CSMD1: variants seen among roughly 807,000 people sequenced by gnomAD.
CSMD1 encodes the protein CUB and sushi domain-containing protein 1.
A neutral mutation model predicts 417.5 loss-of-function variants in CSMD1; 213 were observed. That is an observed-to-expected ratio of 0.51 (90% CI 0.46 to 0.57). The LOEUF (loss-of-function observed/expected upper bound fraction) is 0.57, where lower values mean the gene tolerates loss of function less well. Among genes scored for constraint, CSMD1 ranks in the 20% least tolerant of loss-of-function variants. CSMD1 has a pLI of 0.00. For synonymous variants in CSMD1, 2,862 were observed against 1,736.8 expected, an observed-to-expected ratio of 1.65 and a Z score of -16.11; for missense variants, 6,923 against 4,529.7, an observed-to-expected ratio of 1.53 and a Z score of -15.17.
chr8:4,544,658 C>G lies in CSMD1; in HGVS notation c.302+92684G>C, dbSNP rs146487334. Among the ~76,000 whole-genome samples the G allele has an allele frequency of 6.6e-5, 10 of 152,252 alleles. No homozygotes were observed. The East Asian group carries it at 1.4e-3, about 21-fold the overall frequency. On this transcript the variant is annotated intron_variant, in intron 2 of 69. Coordinates refer to ENST00000635120, the MANE Select transcript of CSMD1 (RefSeq NM_033225.6). ...AACTATAGTTGGTAAGATGCATTAACGTATTCCATGTCCAGCTTTAAGCCA... is the reference window on the plus strand; with the variant it reads ...AACTATAGTTGGTAAGATGCATTAAGGTATTCCATGTCCAGCTTTAAGCCA...
intron 7 of CSMD1, among the ~76,000 whole-genome samples, chr8:3,671,004 G>T (rs1170614516): frequency 2.8e-5 from 3 of 108,442 alleles, no homozygotes; most frequent in Non-Finnish European, 3.9e-5. Flanking sequence ...ATATATGTAT[G>T]GGATATATAT....
intron 1 of CSMD1, among the ~76,000 whole-genome samples, chr8:4,884,523 T>G (rs903523273): frequency 1.3e-5 from 2 of 152,202 alleles, no homozygotes; most frequent in African/African-American, 4.8e-5. Flanking sequence ...CTCTTTCATT[T>G]AGGTCCTTTT....
rs536277372 is a variant in CSMD1, at chr8:4,285,667, G to T, written c.415+134286C>A. Among the ~76,000 whole-genome samples, 2 of 152,292 alleles carry T rather than the reference G, an allele frequency of 1.3e-5. 1 individual carries two copies. The highest frequency in any genetic ancestry group is 4.8e-5 in the African/African-American group (2 of 41,558). The stretch of plus-strand genomic sequence containing the variant: ...GGTTGGTCTTTGCTTTTCTTGAATG[G>T]CAGTGGTGTAGGAAGAATGGAGCTT... On this transcript the variant is annotated intron_variant, in intron 3 of 69. Coordinates refer to ENST00000635120, the MANE Select transcript of CSMD1 (RefSeq NM_033225.6).
At chr8:3,182,712 G>A (rs1585580834) in intron 36 of CSMD1, among the ~76,000 whole-genome samples, 1 of 59,442 alleles carries the variant, frequency 1.7e-5, no homozygotes. Flanking sequence ...TGTATTGTTA[G>A]TAGAGAAGGA....
At position 3,425,468 on chromosome 8, in the gene CSMD1, A is replaced by G. The variant is rs569876362; in HGVS notation, c.1562-15863T>C. On this transcript the variant is annotated intron_variant, in intron 12 of 69. Transcript: ENST00000635120. ...CTGGGCGTGGTGGCACCTGCCTGTA[A>G]TCTCAGCTACTTGGGAGGCTGAGGC... 1.8e-3 allele frequency among the ~76,000 whole-genome samples: 278 copies of G among 151,898 alleles called. 1 individual carries two copies. The highest frequency in any genetic ancestry group is 0.01 in the Middle Eastern group (3 of 290).
chr8:3,914,861 T>C (rs1808709405), intron 5 of CSMD1, among the ~76,000 whole-genome samples: 1 of 152,184 alleles, frequency 6.6e-6, no homozygotes, highest in African/African-American at 2.4e-5. Flanking sequence ...AAGGCACACA[T>C]CATACAGTTT....
intron 12 of CSMD1, among the ~76,000 whole-genome samples, chr8:3,466,648 G>C (rs1397345958): frequency 6.8e-6 from 1 of 146,498 alleles, no homozygotes; most frequent in African/African-American, 2.6e-5. Context: ...AGGCTGGTCT[G>C]GAACTCCTGA....
At position 3,399,629 on chromosome 8, in the gene CSMD1, A is replaced by G. The variant is rs1020080418; in HGVS notation, c.2267-100T>C. ...CCAGAATCTGCTTCTGTGTTCATAG[A>G]CTGAATATTTTCAAGTATCAAAGCA... is the stretch of plus-strand genomic sequence containing the variant. On this transcript the variant is annotated intron_variant, in intron 15 of 69. Transcript: ENST00000635120. The G allele has an allele frequency of 9.1e-6, 8 of 878,262 alleles. No individual in the cohort carries two copies. In the East Asian group the frequency reaches 2.3e-4, roughly 25 times the overall value. 54.4% of individuals were successfully genotyped at this position (878,262 alleles called of 1,614,324 possible).
chr8:3,671,948 T>C (rs1443589625), intron 7 of CSMD1, among the ~76,000 whole-genome samples: 6 of 152,154 alleles, frequency 3.9e-5, no homozygotes, highest in Non-Finnish European at 7.3e-5. Flanking sequence ...AAGAAAGTTT[T>C]CGACCACACA....
chr8:3,747,466 C>G (rs932078915), intron 6 of CSMD1, among the ~76,000 whole-genome samples: 1 of 151,454 alleles, frequency 6.6e-6, no homozygotes, highest in Non-Finnish European at 1.5e-5. Flanking sequence ...TTTGCAAATT[C>G]CTGTTTTTCA....
At chr8:4,212,935 T>C (rs1686998859) in intron 3 of CSMD1, among the ~76,000 whole-genome samples, 2 of 152,062 alleles carry the variant, frequency 1.3e-5, no homozygotes, top group African/African-American at 4.8e-5. Context: ...CCCAACTAGC[T>C]TTCCTTCCCT....
chr8:4,106,397 T>C (rs960795830), intron 3 of CSMD1, among the ~76,000 whole-genome samples: 5 of 152,224 alleles, frequency 3.3e-5, no homozygotes, highest in African/African-American at 9.6e-5. Context: ...ATTGATCTGG[T>C]AAATATTATA....
chr8:4,469,676 G>C (rs993099256), intron 2 of CSMD1, among the ~76,000 whole-genome samples: 1 of 151,990 alleles, frequency 6.6e-6, no homozygotes, highest in Non-Finnish European at 1.5e-5. Flanking sequence ...CAGGCCCAGG[G>C]AACTCTTGTC....
intron 3 of CSMD1, among the ~76,000 whole-genome samples, chr8:4,115,340 A>T (rs1222124426): frequency 6.6e-6 from 1 of 152,242 alleles, no homozygotes; most frequent in African/African-American, 2.4e-5. Context: ...CATTTTAGAC[A>T]TAATACTGTT....
chr8:4,928,728 C>G (rs1474735410), intron 1 of CSMD1, among the ~76,000 whole-genome samples: 3 of 152,008 alleles, frequency 2.0e-5, no homozygotes, highest in Non-Finnish European at 4.4e-5. Context: ...TCCCCAGTGC[C>G]TCAGAATAGG....
chr8:4,481,717 A>G (rs1410437067), intron 2 of CSMD1, among the ~76,000 whole-genome samples: 4 of 152,222 alleles, frequency 2.6e-5, no homozygotes, highest in African/African-American at 9.6e-5. Flanking sequence ...TCCATATATT[A>G]GACTACTTCT....
intron 5 of CSMD1, among the ~76,000 whole-genome samples, chr8:3,862,151 C>A (rs1009407393): frequency 2.0e-5 from 3 of 152,056 alleles, no homozygotes; most frequent in African/African-American, 7.2e-5. Flanking sequence ...TAATTCAGTT[C>A]TCTATTGCCT....
At chr8:4,929,432 A>G (rs1359584752) in intron 1 of CSMD1, among the ~76,000 whole-genome samples, 1 of 152,240 alleles carries the variant, frequency 6.6e-6, no homozygotes, top group East Asian at 1.9e-4. Flanking sequence ...CATTTCTATT[A>G]GAAGTTTAAT....
Position 4,971,115 on chromosome 8 carries a change from G to C in CSMD1, c.85+23217C>G, listed in dbSNP as rs937005057. Reference sequence around the variant, plus strand: ...TCATTTTTTTCATATACCAAATTCAGACTTCAAACAATCTGAACCCTGGGG... The same window carrying C: ...TCATTTTTTTCATATACCAAATTCACACTTCAAACAATCTGAACCCTGGGG... On this transcript the variant is annotated intron_variant, in intron 1 of 69. Transcript: ENST00000635120. Among the ~76,000 whole-genome samples, 5 of 151,820 alleles carry C rather than the reference G, an allele frequency of 3.3e-5. No individual in the cohort carries two copies. The East Asian group carries it at 7.7e-4, about 24-fold the overall frequency.
Sources: allele counts gnomAD v4.1 joint callset (sites outside exome capture counted in the v4.1 genomes callset), GRCh38; gene constraint gnomAD v4.1.1; transcripts MANE v1.5; gene names NCBI Gene and HGNC (gene_info 2026-07-23, HGNC 2026-07-21).